The following CPE variants were observed in gnomAD, a reference collection of about 807,000 sequenced individuals.
CPE encodes carbocypeptidase E.
A neutral mutation model predicts 53.5 loss-of-function variants in CPE; 17 were observed. The observed-to-expected ratio is 0.32, with a 90% CI of 0.22 to 0.48. CPE has a LOEUF of 0.48. Ranked by LOEUF, CPE falls within the 20% of genes least tolerant of loss-of-function variation. CPE has a pLI of 0.99. For missense variants in CPE, 524 were observed against 614.7 expected (o/e 0.85, Z 1.56); for synonymous variants, 226 against 228.8 (o/e 0.99, Z 0.11).
intron 1 of CPE, among the ~76,000 whole-genome samples, chr4:165,392,771 C>T (rs1730705581): frequency 6.8e-6 from 1 of 147,950 alleles, no homozygotes; most frequent in African/African-American, 2.5e-5. Flanking sequence ...GGACAACACC[C>T]CAAAACTGCA....
intron 1 of CPE, chr4:165,404,239 G>T (rs552537258): frequency 7.9e-6 from 6 of 762,572 alleles, no homozygotes; most frequent in Middle Eastern, 3.4e-4. Context: ...AGCTGAGCCC[G>T]AAGACGGCTC....
At chr4:165,489,481 G>A (rs1034510828) in intron 6 of CPE, among the ~76,000 whole-genome samples, 6 of 152,250 alleles carry the variant, frequency 3.9e-5, no homozygotes, top group African/African-American at 1.2e-4. Context: ...AAGAGAGGAG[G>A]AGAGCTGGCT....
At chr4:165,407,643 G>T (rs1404757952) in intron 1 of CPE, among the ~76,000 whole-genome samples, 1 of 151,980 alleles carries the variant, frequency 6.6e-6, no homozygotes, top group Non-Finnish European at 1.5e-5. Flanking sequence ...CACCTCCGAG[G>T]TTCAAGCAAT....
At chr4:165,462,067 A>T (rs776118943) in intron 1 of CPE, among the ~76,000 whole-genome samples, 1 of 152,158 alleles carries the variant, frequency 6.6e-6, no homozygotes, top group Non-Finnish European at 1.5e-5. Flanking sequence ...AAATACATAG[A>T]TATATTGGGG....
chr4:165,461,297 G>A (rs779918467), intron 1 of CPE, among the ~76,000 whole-genome samples: 12 of 152,036 alleles, frequency 7.9e-5, no homozygotes, highest in Non-Finnish European at 1.6e-4. Flanking sequence ...GATAAAATAT[G>A]TGAATATGTG....
At chr4:165,428,592 C>T (rs967891638) in intron 1 of CPE, among the ~76,000 whole-genome samples, 2 of 152,132 alleles carry the variant, frequency 1.3e-5, no homozygotes, top group Non-Finnish European at 2.9e-5. Flanking sequence ...TTATCCTTTG[C>T]AATTCTAGAG....
chr4:165,458,297 T>G (rs1304821637), intron 1 of CPE, among the ~76,000 whole-genome samples: 1 of 152,214 alleles, frequency 6.6e-6, no homozygotes, highest in Non-Finnish European at 1.5e-5. Context: ...CTTTGAAAAA[T>G]GGGGTTTTAC....
In CPE at chr4:165,467,677, T is replaced by C. The variant is rs1560890977; in HGVS notation, c.505-11T>C. ...ACTAATGATTTTTCTCTTTGACTTT[T>C]TTTTTTTTAGCCTGGTGAACTCAAG... On this transcript the variant is annotated splice_polypyrimidine_tract_variant and intron_variant, in intron 2 of 8. Coordinates refer to ENST00000402744, the MANE Select transcript of CPE (RefSeq NM_001873.4). 1.3e-6 allele frequency: 2 copies of C among 1,568,990 alleles called. No individual in the cohort carries two copies. The highest frequency in any genetic ancestry group is 1.7e-6 in the Non-Finnish European group (2 of 1,163,350).
intron 1 of CPE, among the ~76,000 whole-genome samples, chr4:165,451,806 A>G (rs1163295536): frequency 6.6e-6 from 1 of 152,076 alleles, no homozygotes; most frequent in East Asian, 1.9e-4. Context: ...AGGTTTTAAG[A>G]AGACAATTTA....
At chr4:165,490,657 A>T (rs1029182302) in intron 6 of CPE, among the ~76,000 whole-genome samples, 1 of 150,698 alleles carries the variant, frequency 6.6e-6, no homozygotes, top group African/African-American at 2.4e-5. Flanking sequence ...AAAAAAAAGA[A>T]TGGTTCATGG....
intron 1 of CPE, chr4:165,405,899 G>A: frequency 1.4e-6 from 1 of 730,726 alleles, no homozygotes; most frequent in East Asian, 2.6e-5. Flanking sequence ...ATTTTATATT[G>A]GCATAAAATG....
intron 3 of CPE, 59 bp from the exon 4 acceptor site, chr4:165,482,183 C>T (rs1347709902): frequency 2.7e-6 from 3 of 1,102,254 alleles, no homozygotes; most frequent in Non-Finnish European, 3.9e-6. Flanking sequence ...TCTTTTCTGT[C>T]AAGTGATCAT....
intron 1 of CPE, among the ~76,000 whole-genome samples, chr4:165,457,346 C>G (rs1424808638): frequency 1.3e-5 from 2 of 152,190 alleles, no homozygotes; most frequent in African/African-American, 4.8e-5. Flanking sequence ...CAGCACACCA[C>G]TGTGTATGGG....
chr4:165,395,035 G>A (rs1437328872), intron 1 of CPE, among the ~76,000 whole-genome samples: 2 of 152,088 alleles, frequency 1.3e-5, no homozygotes, highest in East Asian at 3.9e-4. Flanking sequence ...TGTGAATGAT[G>A]TTTTTTTGTT....
At chr4:165,496,838 C>T (rs1732712158) in intron 8 of CPE, among the ~76,000 whole-genome samples, 1 of 152,212 alleles carries the variant, frequency 6.6e-6, no homozygotes, top group South Asian at 2.1e-4. Context: ...CACATTCCCT[C>T]CCACATTAGG....
intron 1 of CPE, among the ~76,000 whole-genome samples, chr4:165,407,404 T>A (rs1730969909): frequency 6.6e-6 from 1 of 151,602 alleles, no homozygotes; most frequent in Non-Finnish European, 1.5e-5. Context: ...GAAACTTCCA[T>A]TCTTTTTTTT....
intron 1 of CPE, among the ~76,000 whole-genome samples, chr4:165,433,235 A>G (rs1476918781): frequency 6.6e-6 from 1 of 152,206 alleles, no homozygotes; most frequent in African/African-American, 2.4e-5. Context: ...GTTAAGGACT[A>G]AAAGTGAGGA....
At chr4:165,392,360 A>G (rs1730696932) in intron 1 of CPE, among the ~76,000 whole-genome samples, 1 of 146,462 alleles carries the variant, frequency 6.8e-6, no homozygotes, top group Middle Eastern at 3.3e-3. Context: ...TAATATACAT[A>G]TATCATATAT....
At chr4:165,404,047 G>A in intron 1 of CPE, 5 of 893,046 alleles carry the variant, frequency 5.6e-6, no homozygotes, top group Non-Finnish European at 9.4e-6. Context: ...CACTGACTGA[G>A]TGAGGCATGA....
Sources: gnomAD v4.1 joint callset for allele counts (sites outside exome capture counted in the v4.1 genomes callset) on GRCh38, gnomAD v4.1.1 for gene constraint, MANE v1.5 for transcripts, NCBI Gene and HGNC (gene_info 2026-07-23, HGNC 2026-07-21) for gene names.